Variants in EIF3H observed in about 807,000 individuals in gnomAD.
EIF3H encodes the protein eIF-3-gamma.
A neutral mutation model predicts 44.2 loss-of-function variants in EIF3H; 26 were observed. That is an observed-to-expected ratio of 0.59 (90% CI 0.43 to 0.82). The LOEUF (loss-of-function observed/expected upper bound fraction) is 0.82. EIF3H is among the 40% of genes least tolerant of loss of function. The probability of loss-of-function intolerance (pLI) is 0.00; values close to 1 mark genes in which losing one functional copy is unlikely to be tolerated. For missense variants in EIF3H, 359 were observed against 432.8 expected, an observed-to-expected ratio of 0.83 and a Z score of 1.51; for synonymous variants, 166 against 151.9, an observed-to-expected ratio of 1.09 and a Z score of -0.68.
chr8:116,697,207 T>C (rs1383269516), intron 2 of EIF3H: 2 of 456,176 alleles, frequency 4.4e-6, no homozygotes, highest in Admixed American at 4.7e-5. Flanking sequence ...TTTCCAGGGG[T>C]TGACAGATCA....
rs1472771644 is a variant in EIF3H at position 116,753,959 on chromosome 8, TA to T, written c.132+1706del. Among the ~76,000 whole-genome samples the T allele has an allele frequency of 2.6e-5, 4 of 152,172 alleles. No homozygotes were observed. The East Asian group carries it at 5.8e-4, about 22-fold the overall frequency. ...AAGAAATAAACATTTCCCAAGTGCA[TA>T]AGTGGTACTTATTTTAACAAGTGTA... On this transcript the variant is annotated intron_variant, in intron 1 of 7. Transcript: ENST00000521861.
intron 2 of EIF3H, among the ~76,000 whole-genome samples, chr8:116,674,695 C>T (rs1490516370): frequency 6.6e-6 from 1 of 152,084 alleles, no homozygotes; most frequent in African/African-American, 2.4e-5. Context: ...CTGATATTGA[C>T]CAGTATTATC....
intron 1 of EIF3H, among the ~76,000 whole-genome samples, chr8:116,762,515 A>G (rs1815527537): frequency 6.6e-6 from 1 of 152,226 alleles, no homozygotes; most frequent in Non-Finnish European, 1.5e-5. Flanking sequence ...TATAAAACAC[A>G]AAAGTGCCCA....
intron 2 of EIF3H, among the ~76,000 whole-genome samples, chr8:116,663,451 A>C (rs1813614379): frequency 6.6e-6 from 1 of 152,186 alleles, no homozygotes; most frequent in South Asian, 2.1e-4. Flanking sequence ...TAATGTCTAA[A>C]TATTCCTGGA....
At chr8:116,690,099 A>T (rs1302409038) in intron 2 of EIF3H, among the ~76,000 whole-genome samples, 1 of 152,212 alleles carries the variant, frequency 6.6e-6, no homozygotes, top group Non-Finnish European at 1.5e-5. Flanking sequence ...ACCACGTCTC[A>T]GGTCCTTCTC....
intron 2 of EIF3H, among the ~76,000 whole-genome samples, chr8:116,709,254 T>C (rs1447155566): frequency 6.6e-6 from 1 of 152,134 alleles, no homozygotes; most frequent in Admixed American, 6.5e-5. Context: ...TCTGCTTAAA[T>C]TATTGCACTT....
At chr8:116,722,569 G>C (rs1308132353) in intron 2 of EIF3H, among the ~76,000 whole-genome samples, 3 of 152,118 alleles carry the variant, frequency 2.0e-5, no homozygotes, top group Non-Finnish European at 4.4e-5. Flanking sequence ...ACATATGTAT[G>C]TATCTTTTAT....
intron 1 of EIF3H, among the ~76,000 whole-genome samples, chr8:116,739,258 CATCCCTTTATTT>C (rs1306107591): frequency 3.9e-5 from 6 of 152,348 alleles, no homozygotes; most frequent in African/African-American, 1.4e-4. Flanking sequence ...TAGCCAGACC[CATCCCTTTATTT>C]AGGCCCATCC....
intron 2 of EIF3H, among the ~76,000 whole-genome samples, chr8:116,679,380 C>T (rs1365657897): frequency 1.4e-5 from 1 of 72,342 alleles, no homozygotes; most frequent in South Asian, 5.3e-4. Context: ...GCCCCCCGCC[C>T]GGCCAGCCGC....
intron 1 of EIF3H, among the ~76,000 whole-genome samples, chr8:116,735,877 G>A (rs527319310): frequency 8.6e-5 from 13 of 152,008 alleles, no homozygotes; most frequent in Middle Eastern, 7.0e-3. Flanking sequence ...AATAAACTGT[G>A]TGGTGTGCAA....
At chr8:116,763,835 A>G (rs938492020) in intron 1 of EIF3H, among the ~76,000 whole-genome samples, 6 of 152,234 alleles carry the variant, frequency 3.9e-5, no homozygotes, top group Non-Finnish European at 8.8e-5. Context: ...TTATACTAAC[A>G]TTGATGAAAT....
chr8:116,740,277 A>C (rs1023264207), intron 1 of EIF3H, among the ~76,000 whole-genome samples: 8 of 152,184 alleles, frequency 5.3e-5, no homozygotes, highest in Non-Finnish European at 1.2e-4. Context: ...ACCACAATAG[A>C]CATGAGCTCC....
intron 2 of EIF3H, among the ~76,000 whole-genome samples, chr8:116,720,535 A>G (rs1197971517): frequency 6.6e-6 from 1 of 152,142 alleles, no homozygotes; most frequent in African/African-American, 2.4e-5. Flanking sequence ...AATACAGTAA[A>G]TTGGTACCAA....
intron 2 of EIF3H, among the ~76,000 whole-genome samples, chr8:116,662,492 G>T (rs949538630): frequency 3.3e-5 from 5 of 152,222 alleles, no homozygotes; most frequent in African/African-American, 1.2e-4. Context: ...AAGTAATACT[G>T]TTTCTGTTTA....
chr8:116,736,251 CAGA>C (rs1230968732), intron 1 of EIF3H, among the ~76,000 whole-genome samples: 2 of 152,146 alleles, frequency 1.3e-5, no homozygotes, highest in African/African-American at 2.4e-5. Flanking sequence ...ATACTGACTG[CAGA>C]AGGATACCAG....
At chr8:116,728,645 A>G (rs1288237676) in intron 1 of EIF3H, among the ~76,000 whole-genome samples, 1 of 152,098 alleles carries the variant, frequency 6.6e-6, no homozygotes, top group South Asian at 2.1e-4. Flanking sequence ...AGATTGGCAG[A>G]CCTTCAATAC....
intron 1 of EIF3H, among the ~76,000 whole-genome samples, chr8:116,726,830 T>C (rs187289255): frequency 2.6e-5 from 4 of 152,306 alleles, no homozygotes; most frequent in Admixed American, 2.6e-4. Context: ...AGATAAGAGG[T>C]AACACCGTGC....
At chr8:116,752,748 AGAAAGAGGGAGGGAGGGAGG>A (rs1257517637) in intron 1 of EIF3H, among the ~76,000 whole-genome samples, 11 of 104,338 alleles carry the variant, frequency 1.1e-4, no homozygotes, top group African/African-American at 3.1e-4. Flanking sequence ...AAAGAAAGAA[AGAAAGAGGGAGGGAGGGAGG>A]GAGGGAGGGA....
intron 1 of EIF3H, among the ~76,000 whole-genome samples, chr8:116,741,210 G>A (rs952226724): frequency 1.3e-5 from 2 of 151,794 alleles, no homozygotes; most frequent in Non-Finnish European, 2.9e-5. Flanking sequence ...TTACCCTTAT[G>A]GCACAGACAC....
Sources: gnomAD v4.1 joint callset for allele counts (sites outside exome capture counted in the v4.1 genomes callset) on GRCh38, gnomAD v4.1.1 for gene constraint, MANE v1.5 for transcripts, NCBI Gene and HGNC (gene_info 2026-07-23, HGNC 2026-07-21) for gene names.